Variants in ERC2 observed in about 807,000 individuals in gnomAD.
The protein encoded by ERC2 is ERC protein 2.
Under a neutral mutation model 114.8 loss-of-function variants are expected in ERC2, and 42 were observed. The ratio of observed to expected loss-of-function variants is 0.37; its 90% confidence interval spans 0.29 to 0.47. The LOEUF is 0.47. ERC2 is among the 20% of genes least tolerant of loss of function. The probability of loss-of-function intolerance (pLI) is 0.99; values close to 1 mark genes in which losing one functional copy is unlikely to be tolerated. For synonymous variants in ERC2, 454 were observed against 425.5 expected (o/e 1.07, Z -0.82); for missense variants, 939 against 1,150.7 (o/e 0.82, Z 2.66).
chr3:55,540,292 T>C (rs1377645853), intron 17 of ERC2, among the ~76,000 whole-genome samples: 1 of 152,174 alleles, frequency 6.6e-6, no homozygotes, highest in Non-Finnish European at 1.5e-5. Context: ...CTTGGGGAAC[T>C]GGGGAGCAAG....
At chr3:55,660,541 C>A (rs1241912902) in intron 17 of ERC2, among the ~76,000 whole-genome samples, 1 of 152,146 alleles carries the variant, frequency 6.6e-6, no homozygotes, top group Admixed American at 6.5e-5. Flanking sequence ...CCTTGCTCAG[C>A]ACCTAGTGGT....
intron 7 of ERC2, among the ~76,000 whole-genome samples, chr3:56,079,460 G>C (rs919134384): frequency 1.3e-5 from 2 of 152,098 alleles, no homozygotes; most frequent in African/African-American, 4.8e-5. Context: ...AGAACACAAA[G>C]GCCACAGTGA....
chr3:56,467,996 G>C (rs1450323333), intron 1 of ERC2, among the ~76,000 whole-genome samples: 5 of 152,050 alleles, frequency 3.3e-5, no homozygotes, highest in Admixed American at 1.3e-4. Context: ...GCGCCCGCGC[G>C]CTGGAGGAAA....
intron 17 of ERC2, among the ~76,000 whole-genome samples, chr3:55,582,333 T>C (rs962806979): frequency 1.3e-5 from 2 of 152,182 alleles, no homozygotes; most frequent in African/African-American, 2.4e-5. Context: ...TAGGTATTTA[T>C]AGTTGGATAG....
At chr3:56,078,925 T>C (rs997285426) in intron 7 of ERC2, among the ~76,000 whole-genome samples, 2 of 151,204 alleles carry the variant, frequency 1.3e-5, no homozygotes, top group African/African-American at 4.8e-5. Context: ...TTAAAAGTTC[T>C]AATTAAAAAA....
chr3:56,240,491 T>C (rs1371525878), intron 3 of ERC2, among the ~76,000 whole-genome samples: 1 of 152,152 alleles, frequency 6.6e-6, no homozygotes, highest in Admixed American at 6.5e-5. Context: ...AAAACTAAAA[T>C]ACCTAAAGTA....
intron 14 of ERC2, among the ~76,000 whole-genome samples, chr3:55,767,982 T>C (rs962309245): frequency 1.3e-5 from 2 of 152,190 alleles, no homozygotes; most frequent in African/African-American, 2.4e-5. Context: ...TCCCCTTTGC[T>C]GTTCTCATAA....
chr3:55,963,802 C>G (rs1025685080), intron 12 of ERC2, among the ~76,000 whole-genome samples: 8 of 152,146 alleles, frequency 5.3e-5, no homozygotes, highest in African/African-American at 1.9e-4. Flanking sequence ...AATTGACCCC[C>G]TGGGGGCTAA....
At position 56,356,592 on chromosome 3, in the gene ERC2, C is replaced by A. The variant is rs117733883; in HGVS notation, c.658-60157G>T. Among the ~76,000 whole-genome samples the A allele has an allele frequency of 2.0e-3, 305 of 152,324 alleles. 5 individuals are homozygous for A. The East Asian group carries it at 0.048, about 24-fold the overall frequency. ...TCCACCTACACTGGTCAAGCATCTA[C>A]TCTCACATGTAAGGCCTTTATTCTG... On this transcript the variant is annotated intron_variant, in intron 2 of 17. Transcript: ENST00000288221.
At position 56,261,357 on chromosome 3, in the gene ERC2, C is replaced by T. The variant is rs565344885; in HGVS notation, c.1074+34662G>A. Among the ~76,000 whole-genome samples the T allele has an allele frequency of 2.6e-5, 4 of 152,252 alleles. No individual in the cohort carries two copies. In the South Asian group the frequency reaches 8.3e-4, roughly 32 times the overall value. ...AAGGATACGTACACTATCTTATAAA[C>T]GGCTCTATCTACACTGTCTAGTGGA... On this transcript the variant is annotated intron_variant, in intron 3 of 17. Coordinates refer to ENST00000288221, the MANE Select transcript of ERC2 (RefSeq NM_015576.3).
intron 14 of ERC2, among the ~76,000 whole-genome samples, chr3:55,868,784 T>A (rs1344436190): frequency 7.2e-5 from 11 of 152,242 alleles, no homozygotes; most frequent in Non-Finnish European, 1.2e-4. Flanking sequence ...TATTCTTTTT[T>A]AAAATCGTAT....
chr3:55,755,642 C>T (rs368901390), intron 14 of ERC2, among the ~76,000 whole-genome samples: 1 of 152,118 alleles, frequency 6.6e-6, no homozygotes, highest in East Asian at 1.9e-4. Context: ...ACTTGCAAAG[C>T]AGCCCCCTTT....
At chr3:56,240,535 G>C (rs529669747) in intron 3 of ERC2, among the ~76,000 whole-genome samples, 4 of 152,220 alleles carry the variant, frequency 2.6e-5, no homozygotes, top group African/African-American at 9.6e-5. Flanking sequence ...TTAAGGCAGT[G>C]CTAAATCATC....
intron 17 of ERC2, among the ~76,000 whole-genome samples, chr3:55,640,392 A>G (rs191331264): frequency 6.6e-6 from 1 of 152,252 alleles, no homozygotes; most frequent in East Asian, 1.9e-4. Context: ...ACAGCCCTGG[A>G]AAGAGAAACC....
chr3:55,591,020 G>T (rs929370633), intron 17 of ERC2, among the ~76,000 whole-genome samples: 1 of 151,954 alleles, frequency 6.6e-6, no homozygotes, highest in African/African-American at 2.4e-5. Context: ...GTAGAGATGG[G>T]GTTTCACCAC....
intron 6 of ERC2, among the ~76,000 whole-genome samples, chr3:56,135,205 G>A (rs1266010312): frequency 5.3e-5 from 8 of 151,896 alleles, no homozygotes; most frequent in Non-Finnish European, 8.8e-5. Flanking sequence ...CCCCTGCCTC[G>A]GCCTCTCAAA....
At chr3:56,113,191 T>C (rs1228256617) in intron 6 of ERC2, among the ~76,000 whole-genome samples, 1 of 152,218 alleles carries the variant, frequency 6.6e-6, no homozygotes, top group Non-Finnish European at 1.5e-5. Flanking sequence ...AACACAATTT[T>C]TCTTTATTAA....
chr3:56,411,863 T>C (rs998508790), intron 2 of ERC2, among the ~76,000 whole-genome samples: 4 of 152,252 alleles, frequency 2.6e-5, no homozygotes, highest in East Asian at 1.9e-4. Context: ...ACTAGCTTAA[T>C]CCTTTCTTCT....
chr3:56,036,226 C>G (rs564810001), intron 7 of ERC2, among the ~76,000 whole-genome samples: 2 of 152,310 alleles, frequency 1.3e-5, no homozygotes, highest in South Asian at 4.1e-4. Context: ...CAAGGTTATA[C>G]ATGATAAGCC....
Sources: gnomAD v4.1 joint callset for allele counts (sites outside exome capture counted in the v4.1 genomes callset) on GRCh38, gnomAD v4.1.1 for gene constraint, MANE v1.5 for transcripts, NCBI Gene and HGNC (gene_info 2026-07-23, HGNC 2026-07-21) for gene names.